The following STX8 variants were observed in gnomAD, a reference collection of about 807,000 sequenced individuals.
STX8 encodes the protein syntaxin 8.
Under a neutral mutation model 37.5 loss-of-function variants are expected in STX8, and 23 were observed. The ratio of observed to expected loss-of-function variants is 0.61; its 90% confidence interval spans 0.44 to 0.87. The LOEUF (loss-of-function observed/expected upper bound fraction) is 0.87, where lower values mean the gene tolerates loss of function less well. Among genes scored for constraint, STX8 ranks in the 40% least tolerant of loss-of-function variants. The pLI, the probability that STX8 is intolerant of heterozygous loss-of-function variation, is 0.00. For synonymous variants in STX8, 115 were observed against 99.1 expected (o/e 1.16, Z -0.95); for missense variants, 313 against 284.7 (o/e 1.10, Z -0.71).
At position 9,431,239 on chromosome 17, in the gene STX8, GT is replaced by G. The variant is rs35452165; in HGVS notation, c.542-52587del. Among the ~76,000 whole-genome samples the G allele has an allele frequency of 2.9e-4, 35 of 120,730 alleles. 1 individual carries two copies. The highest frequency in any genetic ancestry group is 2.7e-3 in the South Asian group (10 of 3,680). The allele number at this position is 120,730 out of a possible 152,430, so 79.2% of individuals were successfully genotyped here. ...TTTGTTGTTGTTGTTTTATTTTTCT[GT>G]TTTTTTTTTTAGTAGAGATGGGGTA... On this transcript the variant is annotated intron_variant, in intron 6 of 7. Coordinates refer to ENST00000306357, the MANE Select transcript of STX8 (RefSeq NM_004853.3).
intron 6 of STX8, among the ~76,000 whole-genome samples, chr17:9,446,290 T>C (rs1904849042): frequency 6.6e-6 from 1 of 152,228 alleles, no homozygotes; most frequent in South Asian, 2.1e-4. Context: ...TGACTGACTA[T>C]TCATTGGAAG....
rs117278202 is a variant in STX8 at position 9,570,458 on chromosome 17, A to G, written c.18-1988T>C. Among the ~76,000 whole-genome samples, 796 of 152,138 alleles carry G rather than the reference A, an allele frequency of 5.2e-3. 3 individuals are homozygous for G. Among genetic ancestry groups the G allele is most frequent in the Middle Eastern group, 0.034 (10 of 292 alleles). The stretch of plus-strand genomic sequence containing the variant: ...CATATATCATATATATCACTGATAC[A>G]TATATTCATATATATCACATACCTA... On this transcript the variant is annotated intron_variant, in intron 1 of 7. Transcript: ENST00000306357.
chr17:9,331,932 G>A (rs552033987), intron 7 of STX8, among the ~76,000 whole-genome samples: 2 of 152,282 alleles, frequency 1.3e-5, no homozygotes, highest in African/African-American at 4.8e-5. Context: ...CTTCATTCAC[G>A]GATCTGTAGA....
intron 7 of STX8, among the ~76,000 whole-genome samples, chr17:9,296,579 T>A: frequency 2.1e-5 from 3 of 139,910 alleles, no homozygotes; most frequent in Admixed American, 7.2e-5. Context: ...CATTCAACAA[T>A]AAACTTGTAA....
At chr17:9,340,772 C>G (rs1037223463) in intron 7 of STX8, among the ~76,000 whole-genome samples, 1 of 147,184 alleles carries the variant, frequency 6.8e-6, no homozygotes, top group Non-Finnish European at 1.5e-5. Context: ...ATTCTCCTGC[C>G]TCAGCGTCCT....
chr17:9,275,091 C>A (rs560815119), intron 7 of STX8, among the ~76,000 whole-genome samples: 20 of 152,180 alleles, frequency 1.3e-4, no homozygotes, highest in African/African-American at 4.8e-4. Context: ...CAGAAACCAA[C>A]AAAATCATCA....
chr17:9,295,526 C>T (rs1269926544), intron 7 of STX8, among the ~76,000 whole-genome samples: 2 of 152,136 alleles, frequency 1.3e-5, no homozygotes, highest in Non-Finnish European at 2.9e-5. Flanking sequence ...GGGCAAATCA[C>T]GAGGTCAGGA....
At chr17:9,554,051 G>A (rs567074588) in intron 3 of STX8, 2 of 152,268 alleles carry the variant, frequency 1.3e-5, no homozygotes, top group Admixed American at 6.6e-5. Context: ...CATGAGGTCA[G>A]GAGTTCGAGA....
intron 6 of STX8, among the ~76,000 whole-genome samples, chr17:9,385,512 T>G (rs908928225): frequency 9.2e-5 from 14 of 152,186 alleles, no homozygotes; most frequent in Non-Finnish European, 1.9e-4. Context: ...TCTGAACAGA[T>G]GTTTTACAGA....
rs564804682 is a variant in STX8, at chr17:9,270,445, A to G, written c.644-19800T>C. Among the ~76,000 whole-genome samples, 13 of 151,860 alleles carry G rather than the reference A, an allele frequency of 8.6e-5. No individual in the cohort carries two copies. The South Asian group carries it at 2.3e-3, about 27-fold the overall frequency. ...TTTTTTTGTATTTTTTAGTAGAGAC[A>G]GGGTCTCACCATGTTAGCCAGGAAT... is the stretch of plus-strand genomic sequence containing the variant. On this transcript the variant is annotated intron_variant, in intron 7 of 7. Coordinates refer to ENST00000306357, the MANE Select transcript of STX8 (RefSeq NM_004853.3).
chr17:9,325,564 T>C (rs186605867), intron 7 of STX8, among the ~76,000 whole-genome samples: 2 of 152,294 alleles, frequency 1.3e-5, no homozygotes, highest in Non-Finnish European at 2.9e-5. Context: ...TTCTTGATAA[T>C]TTCCGAACAA....
At chr17:9,550,119 G>A (rs577959813) in intron 3 of STX8, among the ~76,000 whole-genome samples, 2 of 152,244 alleles carry the variant, frequency 1.3e-5, no homozygotes, top group South Asian at 4.1e-4. Context: ...AGCTACTCAG[G>A]AGGCTGAGGC....
At chr17:9,350,290 C>T (rs1177126128) in intron 7 of STX8, among the ~76,000 whole-genome samples, 1 of 152,196 alleles carries the variant, frequency 6.6e-6, no homozygotes, top group African/African-American at 2.4e-5. Flanking sequence ...GAACAGCATG[C>T]AATTTAAAAC....
chr17:9,478,591 C>T (rs1226637296), intron 6 of STX8, among the ~76,000 whole-genome samples: 4 of 152,154 alleles, frequency 2.6e-5, no homozygotes, highest in Non-Finnish European at 5.9e-5. Flanking sequence ...AAACAAAGTC[C>T]TTCCTAGAAA....
intron 4 of STX8, among the ~76,000 whole-genome samples, chr17:9,506,938 G>A (rs938428510): frequency 6.6e-6 from 1 of 151,872 alleles, no homozygotes; most frequent in Non-Finnish European, 1.5e-5. Context: ...TGCCACCAAA[G>A]CTACACAGGT....
chr17:9,250,607 C>A lies in STX8; in HGVS notation c.682G>T (p.Val228Leu), dbSNP rs904892581. Residue 228 changes from valine to leucine, a missense_variant, in exon 8 of 8, where the codon GTG becomes TTG. Val to Leu is a conservative substitution (Grantham distance 32, BLOSUM62 1). Coordinates refer to ENST00000306357, the MANE Select transcript of STX8 (RefSeq NM_004853.3). The part of the protein sequence containing the change: ...MVILLLLVAI[V>L]VVAVWPTN ...TTGGTCGGCCAGACTGCAACAACCA[C>A]GATAGCCACAAGCAGCAGTAAAATC... is the stretch of plus-strand genomic sequence containing the variant. The A allele has an allele frequency of 4.4e-6, 7 of 1,599,976 alleles. No homozygotes were observed. Among genetic ancestry groups the A allele is most frequent in the Non-Finnish European group, 5.1e-6 (6 of 1,173,780 alleles).
chr17:9,416,207 C>T (rs1482280154), intron 6 of STX8, among the ~76,000 whole-genome samples: 1 of 152,172 alleles, frequency 6.6e-6, no homozygotes, highest in African/African-American at 2.4e-5. Flanking sequence ...TCTCAGAGAT[C>T]CCAACTTAAT....
chr17:9,568,646 G>A lies in STX8; in HGVS notation c.18-176C>T, dbSNP rs965925472. ...CTCCCCAGTAGCTGGGACTACAGGC[G>A]CCCGCTATCATGCCTGGCTAATTTT... On this transcript the variant is annotated intron_variant, in intron 1 of 7. Coordinates refer to ENST00000306357, the MANE Select transcript of STX8 (RefSeq NM_004853.3). 5.3e-5 allele frequency among the ~76,000 whole-genome samples: 8 copies of A among 152,112 alleles called. 1 individual carries two copies. The South Asian group carries it at 8.3e-4, about 16-fold the overall frequency.
At chr17:9,376,569 C>A (rs762005725) in intron 7 of STX8, among the ~76,000 whole-genome samples, 4 of 152,212 alleles carry the variant, frequency 2.6e-5, no homozygotes, top group Admixed American at 6.5e-5. Context: ...CCGCTCGGGT[C>A]CCCTTACATG....
Sources: gnomAD v4.1 joint callset for allele counts (sites outside exome capture counted in the v4.1 genomes callset) on GRCh38, gnomAD v4.1.1 for gene constraint, MANE v1.5 for transcripts, NCBI Gene and HGNC (gene_info 2026-07-23, HGNC 2026-07-21) for gene names.